KDM5A: variants seen among roughly 807,000 people sequenced by gnomAD.
KDM5A encodes lysine demethylase 5A.
Under a neutral mutation model 193.5 loss-of-function variants are expected in KDM5A, and 42 were observed. That is an observed-to-expected ratio of 0.22 (90% CI 0.17 to 0.28). The LOEUF (loss-of-function observed/expected upper bound fraction) is 0.28, where lower values mean the gene tolerates loss of function less well. Ranked by LOEUF, KDM5A falls within the 10% of genes least tolerant of loss-of-function variation. The pLI, the probability that KDM5A is intolerant of heterozygous loss-of-function variation, is 1.00. For synonymous variants in KDM5A, 796 were observed against 718.1 expected (o/e 1.11, Z -1.73); for missense variants, 1,692 against 2,055.1 (o/e 0.82, Z 3.42).
intron 14 of KDM5A, among the ~76,000 whole-genome samples, chr12:325,497 T>C (rs1288386724): frequency 7.7e-6 from 1 of 129,266 alleles, no homozygotes; most frequent in African/African-American, 2.9e-5. Flanking sequence ...AGCTTGATGG[T>C]GAAACTTTGT....
intron 3 of KDM5A, among the ~76,000 whole-genome samples, chr12:372,996 G>A (rs1039147199): frequency 1.1e-4 from 16 of 152,196 alleles, no homozygotes; most frequent in Non-Finnish European, 2.1e-4. Flanking sequence ...TGGTTTGCCA[G>A]TATTTTATTG....
chr12:304,896 T>G (rs1169581842), intron 24 of KDM5A, among the ~76,000 whole-genome samples: 1 of 152,150 alleles, frequency 6.6e-6, no homozygotes, highest in Non-Finnish European at 1.5e-5. Flanking sequence ...CTAACTAGGG[T>G]AAACGGGTGA....
intron 26 of KDM5A, among the ~76,000 whole-genome samples, chr12:295,325 A>G (rs1292927817): frequency 6.6e-6 from 1 of 152,094 alleles, no homozygotes; most frequent in Non-Finnish European, 1.5e-5. Context: ...AAAGAAAGAA[A>G]AAGAAAAAGA....
At chr12:345,157 C>T (rs901155711) in intron 10 of KDM5A, among the ~76,000 whole-genome samples, 2 of 151,644 alleles carry the variant, frequency 1.3e-5, no homozygotes, top group African/African-American at 4.8e-5. Flanking sequence ...CAACAAAGAT[C>T]TAAAGAGACA....
At position 384,857 on chromosome 12, in the gene KDM5A, C is replaced by T. The variant is rs143778731; in HGVS notation, c.244-704G>A. On this transcript the variant is annotated intron_variant, in intron 2 of 27. Transcript: ENST00000399788. ...TCTATACCTCACTGATACTAATATG[C>T]TTTGTCAAGTATCTAATTACAAGAG... is the stretch of plus-strand genomic sequence containing the variant. Among the ~76,000 whole-genome samples, 23 of 152,278 alleles carry T rather than the reference C, an allele frequency of 1.5e-4. No individual in the cohort carries two copies. In the East Asian group the frequency reaches 4.4e-3, roughly 29 times the overall value.
At position 320,766 on chromosome 12, in the gene KDM5A, A is replaced by G. The variant is rs1195442305; in HGVS notation, c.2541+229T>C. Among the ~76,000 whole-genome samples, 8 of 152,180 alleles carry G rather than the reference A, an allele frequency of 5.3e-5. 1 individual carries two copies. The highest frequency in any genetic ancestry group is 5.2e-4 in the Admixed American group (8 of 15,274). On this transcript the variant is annotated intron_variant, in intron 18 of 27. Coordinates refer to ENST00000399788, the MANE Select transcript of KDM5A (RefSeq NM_001042603.3). ...GGGGGTTCTGAACTAAAATTAATAT[A>G]GAAAAAAATAATTTCATACCAGCCT...
chr12:306,778 A>T (rs2137385825), intron 24 of KDM5A, 168 bp downstream of exon 24: 1 of 745,550 alleles, frequency 1.3e-6, no homozygotes, highest in Non-Finnish European at 2.3e-6. Context: ...AGCAACCTGT[A>T]ATGTTTTGAG....
chr12:346,815 A>G (rs180736758), intron 10 of KDM5A, among the ~76,000 whole-genome samples: 14 of 152,308 alleles, frequency 9.2e-5, no homozygotes, highest in African/African-American at 2.6e-4. Context: ...TATCATACTG[A>G]ATGGGCAAAA....
intron 4 of KDM5A, among the ~76,000 whole-genome samples, chr12:365,363 G>A (rs574003002): frequency 2.0e-5 from 3 of 152,276 alleles, no homozygotes; most frequent in Admixed American, 1.3e-4. Context: ...CAACATGGCT[G>A]AACTCTGAAA....
intron 24 of KDM5A, among the ~76,000 whole-genome samples, chr12:304,900 C>T (rs937460670): frequency 2.0e-5 from 3 of 152,142 alleles, no homozygotes; most frequent in African/African-American, 4.8e-5. Flanking sequence ...CTAGGGTAAA[C>T]GGGTGATTCC....
Position 282,542 on chromosome 12 carries a change from C to T in KDM5A, c.*2914G>A, listed in dbSNP as rs1011910721. Reference sequence around the variant, plus strand: ...GTGGAAGAAAAATCTCCTGTCTTCTCCCCCAGCTAGAAAGCTAACTACTGG... The same window carrying T: ...GTGGAAGAAAAATCTCCTGTCTTCTTCCCCAGCTAGAAAGCTAACTACTGG... On this transcript the variant is annotated 3_prime_UTR_variant, in exon 28 of 28. Transcript: ENST00000399788. The T allele has an allele frequency of 4.3e-6, 1 of 233,076 alleles. No individual in the cohort carries two copies. The highest frequency in any genetic ancestry group is 8.5e-6 in the Non-Finnish European group (1 of 117,970). 14.4% of individuals were successfully genotyped at this position (233,076 alleles called of 1,614,324 possible).
At chr12:357,541 T>G (rs1944241742) in intron 5 of KDM5A, among the ~76,000 whole-genome samples, 1 of 150,926 alleles carries the variant, frequency 6.6e-6, no homozygotes, top group Non-Finnish European at 1.5e-5. Context: ...GAATAAGTCC[T>G]TCTGGAGGCT....
At chr12:305,783 T>C (rs1346041362) in intron 24 of KDM5A, among the ~76,000 whole-genome samples, 1 of 152,138 alleles carries the variant, frequency 6.6e-6, no homozygotes, top group Non-Finnish European at 1.5e-5. Flanking sequence ...AACCTTCTCT[T>C]CACCACCAGT....
chr12:301,772 A>T (rs984114364), intron 24 of KDM5A, among the ~76,000 whole-genome samples: 3 of 152,050 alleles, frequency 2.0e-5, no homozygotes, highest in Admixed American at 1.3e-4. Context: ...TATTTAGAAA[A>T]CCCCATCATC....
chr12:301,112 G>C (rs928341443), intron 24 of KDM5A, among the ~76,000 whole-genome samples: 5 of 152,168 alleles, frequency 3.3e-5, no homozygotes, highest in Admixed American at 6.5e-5. Context: ...AAGAGGATCT[G>C]GTACCATTCC....
intron 3 of KDM5A, among the ~76,000 whole-genome samples, chr12:367,166 T>G (rs1310334109): frequency 6.6e-6 from 1 of 152,208 alleles, no homozygotes; most frequent in Non-Finnish European, 1.5e-5. Context: ...CAGTTTTCAA[T>G]TTCACTGAGA....
At chr12:336,858 A>T (rs922010262) in intron 10 of KDM5A, among the ~76,000 whole-genome samples, 1 of 152,052 alleles carries the variant, frequency 6.6e-6, no homozygotes, top group African/African-American at 2.4e-5. Context: ...AAGTTACAAT[A>T]CAAGGTAACA....
chr12:318,547 A>G, intron 18 of KDM5A, 86 bp from the exon 19 acceptor site: 3 of 940,966 alleles, frequency 3.2e-6, no homozygotes, highest in Non-Finnish European at 3.4e-6. Context: ...AAGGCAAACT[A>G]TCAATTCTAG....
At chr12:313,256 G>GA in intron 19 of KDM5A, 62 bp from the exon 20 acceptor site, 2 of 1,567,746 alleles carry the variant, frequency 1.3e-6, no homozygotes, top group Non-Finnish European at 1.8e-6. Flanking sequence ...TAACATTTCA[G>GA]AATGTTTAGA....
Sources: allele counts gnomAD v4.1 joint callset (sites outside exome capture counted in the v4.1 genomes callset), GRCh38; gene constraint gnomAD v4.1.1; transcripts MANE v1.5; gene names NCBI Gene and HGNC (gene_info 2026-07-23, HGNC 2026-07-21).